Variants in ATP11A observed in about 807,000 individuals in gnomAD.
ATP11A encodes phospholipid-transporting ATPase IH.
Under a neutral mutation model 154.4 loss-of-function variants are expected in ATP11A, and 81 were observed. That is an observed-to-expected ratio of 0.52 (90% CI 0.44 to 0.63). The LOEUF (loss-of-function observed/expected upper bound fraction) is 0.63. Among genes scored for constraint, ATP11A ranks in the 30% least tolerant of loss-of-function variants. The pLI, the probability that ATP11A is intolerant of heterozygous loss-of-function variation, is 0.00. For synonymous variants in ATP11A, 623 were observed against 585.9 expected, an observed-to-expected ratio of 1.06 and a Z score of -0.91; for missense variants, 1,316 against 1,474.3, an observed-to-expected ratio of 0.89 and a Z score of 1.76.
chr13:112,716,113 G>A lies in ATP11A; in HGVS notation c.39+25658G>A, dbSNP rs78346426. On this transcript the variant is annotated intron_variant, in intron 1 of 29. Coordinates refer to ENST00000375645, the MANE Select transcript of ATP11A (RefSeq NM_015205.3). The stretch of plus-strand genomic sequence containing the variant: ...CAGTGGAGTTCCCGGTGGCTGCTCC[G>A]TCTTCTGAGCCTGGTCCTCTGGCCT... Among the ~76,000 whole-genome samples, 808 of 152,110 alleles carry A rather than the reference G, an allele frequency of 5.3e-3. 7 individuals are homozygous for A. Among genetic ancestry groups the A allele is most frequent in the East Asian group, 0.019 (96 of 5,128 alleles).
At chr13:112,786,598 A>G (rs1197499634) in intron 2 of ATP11A, among the ~76,000 whole-genome samples, 1 of 101,824 alleles carries the variant, frequency 9.8e-6, no homozygotes, top group East Asian at 2.6e-4. Flanking sequence ...TGGATGAGCT[A>G]AACCCAGGCA....
At position 112,824,387 on chromosome 13, in the gene ATP11A, T is replaced by G. The variant is rs1207211428; in HGVS notation, c.834T>G (p.Asn278Lys). ...YTGMETKMAL[N>K]YQSKSQKRSA... ...GAATGGAAACCAAGATGGCATTAAA[T>G]TATCAATCAAAATCTCAGAAGCGAT... Residue 278 changes from asparagine (N) to lysine (K), a missense_variant, in exon 10 of 30, where the codon AAT becomes AAG. By Grantham distance (94) the Asn-to-Lys change is moderately conservative (BLOSUM62 0). Transcript: ENST00000375645. 5.0e-6 allele frequency: 8 copies of G among 1,614,174 alleles called. No homozygotes were observed. Among genetic ancestry groups the G allele is most frequent in the Non-Finnish European group, 6.8e-6 (8 of 1,180,020 alleles).
At chr13:112,854,170 G>A (rs1380496003) in intron 18 of ATP11A, 109 bp from the exon 19 acceptor site, 26 of 1,433,954 alleles carry the variant, frequency 1.8e-5, no homozygotes. Flanking sequence ...TTTTGATTTT[G>A]AGGGGCTACG....
At position 112,690,197 on chromosome 13, in the gene ATP11A, C is replaced by T. The variant is rs1024231860; in HGVS notation, c.-220C>T. 6.4e-6 allele frequency: 1 copy of T among 156,928 alleles called. No individual in the cohort carries two copies. The highest frequency in any genetic ancestry group is 1.4e-5 in the Non-Finnish European group (1 of 73,634). 9.7% of individuals were successfully genotyped at this position (156,928 alleles called of 1,614,324 possible). On this transcript the variant is annotated 5_prime_UTR_variant, in exon 1 of 30. Transcript: ENST00000375645. The surrounding 1 kb of genome is among the most constrained non-coding windows in gnomAD (Gnocchi z 5.6). ...GCGGCCCCGAGCAGCAGCCTTGCCGCCAGTGGAGCAGCTGCCGACGCGCGG... is the reference window on the plus strand; with the variant it reads ...GCGGCCCCGAGCAGCAGCCTTGCCGTCAGTGGAGCAGCTGCCGACGCGCGG...
chr13:112,865,077 C>T (rs1487314105), intron 25 of ATP11A, among the ~76,000 whole-genome samples: 1 of 128,104 alleles, frequency 7.8e-6, no homozygotes, highest in African/African-American at 2.9e-5. Context: ...GGATCCATCA[C>T]CACATGGGCA....
chr13:112,843,160 C>T (rs2079475072), intron 17 of ATP11A, among the ~76,000 whole-genome samples: 1 of 151,916 alleles, frequency 6.6e-6, no homozygotes, highest in Non-Finnish European at 1.5e-5. Context: ...TGTCCTAACG[C>T]CGAGTGACGC....
intron 2 of ATP11A, among the ~76,000 whole-genome samples, chr13:112,802,283 T>C (rs563980149): frequency 6.6e-6 from 1 of 152,022 alleles, no homozygotes; most frequent in East Asian, 1.9e-4. Flanking sequence ...GAGGCAGAGC[T>C]TGCGGTGAGC....
At chr13:112,748,812 A>G (rs1169632094) in intron 1 of ATP11A, among the ~76,000 whole-genome samples, 3 of 152,202 alleles carry the variant, frequency 2.0e-5, no homozygotes, top group African/African-American at 4.8e-5. Context: ...TTGTAGATCA[A>G]TATCTTCAAC....
intron 1 of ATP11A, among the ~76,000 whole-genome samples, chr13:112,768,539 A>G (rs1364750197): frequency 6.6e-6 from 1 of 152,164 alleles, no homozygotes; most frequent in Non-Finnish European, 1.5e-5. Flanking sequence ...TTAGATATAT[A>G]TTCAATATTT....
At chr13:112,819,171 C>T in intron 6 of ATP11A, 133 bp from the exon 7 acceptor site, 1 of 742,158 alleles carries the variant, frequency 1.3e-6, no homozygotes, top group South Asian at 1.7e-5. Flanking sequence ...AGTACCTTAT[C>T]TTTCTGTAAC....
chr13:112,842,667 T>C (rs537527126), intron 17 of ATP11A, among the ~76,000 whole-genome samples: 2 of 152,350 alleles, frequency 1.3e-5, no homozygotes, highest in East Asian at 3.9e-4. Context: ...GGTTGATTGA[T>C]GTTTTGGGGA....
intron 1 of ATP11A, among the ~76,000 whole-genome samples, chr13:112,762,600 G>T (rs1352837907): frequency 6.6e-6 from 1 of 152,208 alleles, no homozygotes. Flanking sequence ...GGTGTGTTGG[G>T]TGTGACGCAG....
rs1223784982 is a variant in ATP11A, at chr13:112,883,695, G to C, written c.*1829G>C. 1 of 152,728 alleles carries C rather than the reference G, an allele frequency of 6.5e-6. No individual in the cohort carries two copies. The highest frequency in any genetic ancestry group is 1.5e-5 in the Non-Finnish European group (1 of 68,092). 9.5% of individuals were successfully genotyped at this position (152,728 alleles called of 1,614,324 possible). On this transcript the variant is annotated 3_prime_UTR_variant, in exon 30 of 30. Coordinates refer to ENST00000375645, the MANE Select transcript of ATP11A (RefSeq NM_015205.3). ...AACTGGCTTGAGCAGACAGAACGGG[G>C]AAGACTCCACTCTGTCCCGAGGGGC... is the stretch of plus-strand genomic sequence containing the variant.
chr13:112,755,354 G>A (rs1390759527), intron 1 of ATP11A, among the ~76,000 whole-genome samples: 1 of 152,058 alleles, frequency 6.6e-6, no homozygotes, highest in Non-Finnish European at 1.5e-5. Flanking sequence ...GCCCAGCTTG[G>A]ACAGTCTCTC....
chr13:112,810,826 C>T (rs1244802231), intron 5 of ATP11A, 100 bp downstream of exon 5: 2 of 1,000,234 alleles, frequency 2.0e-6, no homozygotes, highest in Non-Finnish European at 1.5e-6. Flanking sequence ...GTCCCAGCTA[C>T]TCAGGAGGCT....
intron 16 of ATP11A, among the ~76,000 whole-genome samples, chr13:112,840,320 TC>T: frequency 2.8e-5 from 3 of 106,846 alleles, no homozygotes; most frequent in Non-Finnish European, 1.9e-5. Flanking sequence ...GCCTCCCCAC[TC>T]TCCCGTGCCC....
In ATP11A at chr13:112,715,188, C is replaced by T. The variant is rs76098162; in HGVS notation, c.39+24733C>T. Among the ~76,000 whole-genome samples, 775 of 152,260 alleles carry T rather than the reference C, an allele frequency of 5.1e-3. 7 individuals are homozygous for T. The highest frequency in any genetic ancestry group is 0.019 in the East Asian group (96 of 5,184). Reference sequence around the variant, plus strand: ...GGGTTGTTTCCTGCGGCAGCTTTTCCTGACCGAAAGCTTCTCAAAAGGACT... The same window carrying T: ...GGGTTGTTTCCTGCGGCAGCTTTTCTTGACCGAAAGCTTCTCAAAAGGACT... On this transcript the variant is annotated intron_variant, in intron 1 of 29. Transcript: ENST00000375645.
Position 112,882,163 on chromosome 13 carries a change from C to T in ATP11A, c.*297C>T. 4 of 1,288,102 alleles carry T rather than the reference C, an allele frequency of 3.1e-6. No individual in the cohort carries two copies. Among genetic ancestry groups the T allele is most frequent in the Non-Finnish European group, 4.1e-6 (4 of 980,656 alleles). The allele number at this position is 1,288,102 out of a possible 1,614,324, so 79.8% of individuals were successfully genotyped here. On this transcript the variant is annotated 3_prime_UTR_variant, in exon 30 of 30. Coordinates refer to ENST00000375645, the MANE Select transcript of ATP11A (RefSeq NM_015205.3). The surrounding 1 kb of genome is among the most constrained non-coding windows in gnomAD (Gnocchi z 5.1). ...AGGCCTTGCCCTCGAGCATGGCACC[C>T]TGGCCGCCTGGACCCAGCACTGTGG...
chr13:112,882,437 A>G lies in ATP11A; in HGVS notation c.*571A>G. 1 of 436,920 alleles carries G rather than the reference A, an allele frequency of 2.3e-6. No individual in the cohort carries two copies. Among genetic ancestry groups the G allele is most frequent in the East Asian group, 4.1e-5 (1 of 24,274 alleles). The allele number at this position is 436,920 out of a possible 1,614,324, so 27.1% of individuals were successfully genotyped here. A position where few individuals can be genotyped will look rare whatever the true frequency, so the allele number is the denominator to read the frequency against. On this transcript the variant is annotated 3_prime_UTR_variant, in exon 30 of 30. Coordinates refer to ENST00000375645, the MANE Select transcript of ATP11A (RefSeq NM_015205.3). The surrounding 1 kb of genome is among the most constrained non-coding windows in gnomAD (Gnocchi z 5.1). Reference sequence around the variant, plus strand: ...CACCACCCATGCCCTCCATAGGGTGAGGTGGAGCCATGGTGGTGCGTCCTT... The same window carrying G: ...CACCACCCATGCCCTCCATAGGGTGGGGTGGAGCCATGGTGGTGCGTCCTT...
Sources: gnomAD v4.1 joint callset for allele counts (sites outside exome capture counted in the v4.1 genomes callset) on GRCh38, gnomAD v4.1.1 for gene constraint, Gnocchi (gnomAD v3.1) non-coding constraint, MANE v1.5 for transcripts, NCBI Gene and HGNC (gene_info 2026-07-23, HGNC 2026-07-21) for gene names.